MAIP1: variants seen among roughly 807,000 people sequenced by gnomAD.
The protein encoded by MAIP1 is matrix AAA peptidase interacting protein 1, also known as m-AAA protease-interacting protein 1, mitochondrial.
In MAIP1, 28 loss-of-function variants were observed where a neutral mutation model predicts 31.2. The ratio of observed to expected loss-of-function variants is 0.90; its 90% CI spans 0.67 to 1.23. MAIP1 has a LOEUF of 1.23. Among genes scored for constraint, MAIP1 ranks in the 50% most tolerant of loss-of-function variants. The pLI is 0.00. For missense variants in MAIP1, 339 were observed against 356.0 expected (o/e 0.95, Z 0.38); for synonymous variants, 142 against 142.3 (o/e 1.00, Z 0.02).
At chr2:199,961,736 T>C (rs1010328005) in intron 3 of MAIP1, 45 bp from the exon 4 acceptor site, 13 of 1,533,658 alleles carry the variant, frequency 8.5e-6, no homozygotes, top group Non-Finnish European at 1.2e-5. Context: ...GATGATAGAT[T>C]ATTTTGATTT....
chr2:199,959,171 A>G, intron 1 of MAIP1, 97 bp from the exon 2 acceptor site: 1 of 683,866 alleles, frequency 1.5e-6, no homozygotes, highest in Admixed American at 2.3e-5. Flanking sequence ...CACTATTACC[A>G]TAAAATAGTC....
In MAIP1 at chr2:199,955,669, G is replaced by T; in HGVS notation, c.-130G>T. 8.9e-7 allele frequency: 1 copy of T among 1,125,120 alleles called. No homozygotes were observed. The highest frequency in any genetic ancestry group is 1.6e-5 in the South Asian group (1 of 62,834). The allele number at this position is 1,125,120 out of a possible 1,614,324, so 69.7% of individuals were successfully genotyped here. A position where few individuals can be genotyped will look rare whatever the true frequency, so the allele number is the denominator to read the frequency against. ...CGTGCTGGAGAGCGGGGACGGGGCC[G>T]ACTCACCAGAGGCTGCAGCAACAGG... On this transcript the variant is annotated 5_prime_UTR_variant, in exon 1 of 5. Coordinates refer to ENST00000392290, the MANE Select transcript of MAIP1 (RefSeq NM_001394955.1).
chr2:199,959,379 A>G (rs1414314429), intron 2 of MAIP1, 40 bp downstream of exon 2: 3 of 1,076,958 alleles, frequency 2.8e-6, no homozygotes, highest in Admixed American at 1.7e-5. Flanking sequence ...AATAAATGCT[A>G]TTCTCTTGCA....
intron 3 of MAIP1, among the ~76,000 whole-genome samples, chr2:199,961,236 G>A (rs2077634894): frequency 6.6e-6 from 1 of 152,130 alleles, no homozygotes; most frequent in South Asian, 2.1e-4. Flanking sequence ...GCTGAGGCAG[G>A]TGGATCACTT....
chr2:199,959,644 A>C, intron 2 of MAIP1, 110 bp from the exon 3 acceptor site: 2 of 878,040 alleles, frequency 2.3e-6, no homozygotes, highest in Non-Finnish European at 3.5e-6. Flanking sequence ...TAAATACGGT[A>C]GTAAATTTAA....
chr2:199,956,033 C>G lies in MAIP1; in HGVS notation c.235C>G (p.Pro79Ala). ...QGSRWPVLSSPGLPAAFASFP... is the reference protein window; with the variant it reads ...QGSRWPVLSSAGLPAAFASFP... ...CTCCCGGTGGCCAGTGCTCAGCAGC[C>G]CGGGACTCCCCGCAGCCTTCGCTTC... Residue 79 changes from proline to alanine, a missense_variant, in exon 1 of 5, where the codon CCG (proline) becomes GCG (alanine). Physicochemically the swap from Pro to Ala is conservative, Grantham distance 27. Transcript: ENST00000392290. The G allele has an allele frequency of 6.2e-7, 1 of 1,609,368 alleles. No homozygotes were observed. The highest frequency in any genetic ancestry group is 8.5e-7 in the Non-Finnish European group (1 of 1,177,710).
intron 4 of MAIP1, among the ~76,000 whole-genome samples, chr2:199,963,108 A>C (rs2077645058): frequency 1.3e-5 from 2 of 152,012 alleles, no homozygotes; most frequent in Non-Finnish European, 2.9e-5. Context: ...TATTCTATAT[A>C]TTTAAATACT....
rs575080498 is a variant in MAIP1, at chr2:199,962,390, T to C, written c.797+462T>C. The stretch of plus-strand genomic sequence containing the variant: ...GACTCTGTATTCTCCAGGGCCACTC[T>C]TTGTGGCTTGGACTTGTGGTAGTTT... On this transcript the variant is annotated intron_variant, in intron 4 of 4. Coordinates refer to ENST00000392290, the MANE Select transcript of MAIP1 (RefSeq NM_001394955.1). Among the ~76,000 whole-genome samples, 217 of 152,328 alleles carry C rather than the reference T, an allele frequency of 1.4e-3. 1 individual carries two copies. The highest frequency in any genetic ancestry group is 2.2e-3 in the Non-Finnish European group (153 of 68,028).
At chr2:199,959,207 T>G (rs2077623312) in intron 1 of MAIP1, 61 bp from the exon 2 acceptor site, 6 of 850,830 alleles carry the variant, frequency 7.1e-6, no homozygotes, top group Non-Finnish European at 8.1e-6. Flanking sequence ...CATTTAAATA[T>G]GAACATGGTA....
At chr2:199,958,259 CCT>C (rs1216388921) in intron 1 of MAIP1, among the ~76,000 whole-genome samples, 9 of 152,108 alleles carry the variant, frequency 5.9e-5, no homozygotes, top group Non-Finnish European at 1.2e-4. Flanking sequence ...CACATTTGCT[CCT>C]CTTATAAGGA....
intron 1 of MAIP1, among the ~76,000 whole-genome samples, chr2:199,957,455 C>T (rs1200701360): frequency 6.6e-6 from 1 of 152,124 alleles, no homozygotes; most frequent in Non-Finnish European, 1.5e-5. Context: ...CGCTTCATAC[C>T]TCCATATGCC....
At position 199,961,859 on chromosome 2, in the gene MAIP1, C is replaced by A. The variant is rs1250435567; in HGVS notation, c.728C>A (p.Ala243Asp). 1 of 1,613,646 alleles carries A rather than the reference C, an allele frequency of 6.2e-7. No individual in the cohort carries two copies. The highest frequency in any genetic ancestry group is 1.7e-5 in the Admixed American group (1 of 59,982). Residue 243 changes from alanine (A) to aspartate (D), a missense_variant, in exon 4 of 5, where the codon GCC becomes GAC. By Grantham distance (126) the Ala-to-Asp change is moderately radical. Transcript: ENST00000392290. Reference protein sequence around the residue: ...ANIPSETLRGASVFQVKLGNQ... With the variant: ...ANIPSETLRGDSVFQVKLGNQ... ...ATCCCCAGTGAAACTTTAAGAGGAG[C>A]CAGTGTATTCCAGGTTAAGTTGGGG...
intron 4 of MAIP1, among the ~76,000 whole-genome samples, 197 bp from the exon 5 acceptor site, chr2:199,963,536 A>G (rs2077647171): frequency 6.6e-6 from 1 of 152,148 alleles, no homozygotes; most frequent in Non-Finnish European, 1.5e-5. Flanking sequence ...TTACTTGAGA[A>G]TGTACTTCAA....
chr2:199,959,323 A>G lies in MAIP1; in HGVS notation c.506A>G (p.Glu169Gly), dbSNP rs1404312428. ...LSQCKFDLLE[E>G]LVAKEVLHAL... is the part of the protein sequence containing the mutation. ...CAGTGTAAATTTGATCTGTTGGAAG[A>G]ACTTGTGGCCAAAGAGGTAAAGTAT... Residue 169 changes from glutamate (E) to glycine (G), a missense_variant, in exon 2 of 5, where the codon GAA becomes GGA. Physicochemically the swap from Glu to Gly is moderately conservative, Grantham distance 98. Transcript: ENST00000392290. 1 of 1,584,468 alleles carries G rather than the reference A, an allele frequency of 6.3e-7. No individual in the cohort carries two copies. Among genetic ancestry groups the G allele is most frequent in the Non-Finnish European group, 8.7e-7 (1 of 1,153,278 alleles).
Position 199,955,604 on chromosome 2 carries a change from G to C in MAIP1, c.-195G>C, listed in dbSNP as rs972851826. On this transcript the variant is annotated 5_prime_UTR_variant, in exon 1 of 5. Coordinates refer to ENST00000392290, the MANE Select transcript of MAIP1 (RefSeq NM_001394955.1). ...GGCAGACTCCAGAGTGGCTGGGTCC[G>C]AGCGCGGGGCGGGTTGCCGAAGGGC... 21 of 1,290,546 alleles carry C rather than the reference G, an allele frequency of 1.6e-5. No individual in the cohort carries two copies. Among genetic ancestry groups the C allele is most frequent in the Admixed American group, 2.6e-5 (1 of 39,154 alleles). 79.9% of individuals were successfully genotyped at this position (1,290,546 alleles called of 1,614,324 possible). A position where few individuals can be genotyped will look rare whatever the true frequency, so the allele number is the denominator to read the frequency against.
chr2:199,955,444 G>C, upstream of MAIP1: 1 of 1,613,906 alleles, frequency 6.2e-7, no homozygotes, highest in South Asian at 1.1e-5. Flanking sequence ...CCTCCAGCCG[G>C]GGTACCGGGA....
chr2:199,957,918 C>T (rs2077616704), intron 1 of MAIP1, among the ~76,000 whole-genome samples: 1 of 152,106 alleles, frequency 6.6e-6, no homozygotes, highest in South Asian at 2.1e-4. Flanking sequence ...AATCATCTCC[C>T]CACCATGGGC....
At chr2:199,957,536 A>G (rs1396830986) in intron 1 of MAIP1, among the ~76,000 whole-genome samples, 1 of 152,236 alleles carries the variant, frequency 6.6e-6, no homozygotes, top group Admixed American at 6.5e-5. Context: ...TTTACTCCAA[A>G]TTTATTTCAG....
chr2:199,955,749 A>C lies in MAIP1; in HGVS notation c.-50A>C. On this transcript the variant is annotated 5_prime_UTR_variant, in exon 1 of 5. Coordinates refer to ENST00000392290, the MANE Select transcript of MAIP1 (RefSeq NM_001394955.1). Reference sequence around the variant, plus strand: ...ACACCGCTGAGGCGGTTTCCCACCGACTTCCTTTCCATACAGCACCGGCAG... The same window carrying C: ...ACACCGCTGAGGCGGTTTCCCACCGCCTTCCTTTCCATACAGCACCGGCAG... The C allele has an allele frequency of 6.7e-7, 1 of 1,486,722 alleles. No homozygotes were observed. 92.1% of individuals were successfully genotyped at this position (1,486,722 alleles called of 1,614,324 possible).
Sources: allele counts gnomAD v4.1 joint callset (sites outside exome capture counted in the v4.1 genomes callset), GRCh38; gene constraint gnomAD v4.1.1; transcripts MANE v1.5; gene names NCBI Gene and HGNC (gene_info 2026-07-23, HGNC 2026-07-21).